HCRTR2: variants seen among roughly 807,000 people sequenced by gnomAD.
HCRTR2 encodes the protein orexin receptor type 2.
HCRTR2 carries 22 observed loss-of-function variants against 49.0 expected under a neutral mutation model. The observed-to-expected ratio is 0.45, with a 90% confidence interval of 0.32 to 0.64. The LOEUF is 0.64. Ranked by LOEUF, HCRTR2 falls within the 30% of genes least tolerant of loss-of-function variation. The pLI is 0.04. For synonymous variants in HCRTR2, 236 were observed against 205.3 expected (o/e 1.15, Z -1.28); for missense variants, 491 against 559.4 (o/e 0.88, Z 1.23).
chr6:55,146,597 C>CTTT (rs34067488), intron 1 of HCRTR2, among the ~76,000 whole-genome samples: 2 of 144,626 alleles, frequency 1.4e-5, no homozygotes, highest in Non-Finnish European at 1.5e-5. Flanking sequence ...AAAAAACAAG[C>CTTT]TTTTTTTTTC....
intron 1 of HCRTR2, among the ~76,000 whole-genome samples, chr6:55,226,787 C>T (rs1229724950): frequency 4.6e-5 from 6 of 129,784 alleles, no homozygotes; most frequent in Admixed American, 4.6e-4. Context: ...GGTGAGATCT[C>T]GGCTCACTGA....
chr6:55,180,165 A>G (rs1581811593), intron 1 of HCRTR2, among the ~76,000 whole-genome samples: 2 of 152,322 alleles, frequency 1.3e-5, no homozygotes, highest in South Asian at 4.1e-4. Flanking sequence ...TTATAATGAG[A>G]AGATTAATAG....
In HCRTR2 at chr6:55,211,787, C is replaced by T. The variant is rs183004147; in HGVS notation, c.224-36852C>T. ...ATTCTCCTTCAGGCCTCAATTTAAA[C>T]ATCACTTCCTCTGGGAAGCTTTCTA... is the stretch of plus-strand genomic sequence containing the variant. On this transcript the variant is annotated intron_variant, in intron 1 of 6. Transcript: ENST00000370862. 2.3e-3 allele frequency among the ~76,000 whole-genome samples: 357 copies of T among 152,256 alleles called. 2 individuals carry two copies. Among genetic ancestry groups the T allele is most frequent in the African/African-American group, 8.2e-3 (340 of 41,578 alleles).
At chr6:55,164,623 A>G (rs1295761529) in intron 1 of HCRTR2, among the ~76,000 whole-genome samples, 3 of 152,118 alleles carry the variant, frequency 2.0e-5, no homozygotes, top group Non-Finnish European at 4.4e-5. Flanking sequence ...AGGGCCTGTC[A>G]GGCAGTGGGG....
intron 1 of HCRTR2, among the ~76,000 whole-genome samples, chr6:55,152,922 T>C (rs903968194): frequency 2.0e-5 from 3 of 152,048 alleles, no homozygotes; most frequent in Non-Finnish European, 4.4e-5. Flanking sequence ...TTTTTGCTTT[T>C]GTTACTTGTG....
chr6:55,271,721 A>G (rs1766977016), intron 4 of HCRTR2, among the ~76,000 whole-genome samples: 1 of 152,148 alleles, frequency 6.6e-6, no homozygotes, highest in African/African-American at 2.4e-5. Context: ...GACTTGAATA[A>G]ACAATTCTGC....
At chr6:55,200,235 TTGTGTG>T (rs34710192) in intron 1 of HCRTR2, among the ~76,000 whole-genome samples, 9,598 of 135,306 alleles carry the variant, frequency 0.071, 355 homozygotes, top group South Asian at 0.1. Flanking sequence ...GTTTGCTGTC[TTGTGTG>T]TGTGTGTGTG....
intron 4 of HCRTR2, among the ~76,000 whole-genome samples, chr6:55,272,187 A>C (rs570319188): frequency 1.3e-5 from 2 of 152,272 alleles, no homozygotes; most frequent in Admixed American, 1.3e-4. Context: ...TACTAAAAGA[A>C]ATGAAGCACT....
upstream of HCRTR2, among the ~76,000 whole-genome samples, chr6:55,173,514 A>C (rs1764981514): frequency 6.6e-6 from 1 of 152,230 alleles, no homozygotes; most frequent in Non-Finnish European, 1.5e-5. Flanking sequence ...TTATTATTAG[A>C]GACAAAACCA....
chr6:55,280,256 A>C (rs1767162880), intron 5 of HCRTR2, 67 bp from the exon 6 acceptor site: 1 of 1,070,566 alleles, frequency 9.3e-7, no homozygotes, highest in African/African-American at 1.6e-5. Flanking sequence ...ATCCTCTACC[A>C]ATAGCCTTGT....
At position 55,254,784 on chromosome 6, in the gene HCRTR2, G is replaced by A. The variant is rs192948445; in HGVS notation, c.403-352G>A. ...TATGTGTTTTTTTTTTTCTATATGA[G>A]GGTATGATTTCTTCCAATCAATGGA... On this transcript the variant is annotated intron_variant, in intron 2 of 6. Transcript: ENST00000370862. Among the ~76,000 whole-genome samples, 293 of 149,964 alleles carry A rather than the reference G, an allele frequency of 2.0e-3. 1 individual carries two copies. The highest frequency in any genetic ancestry group is 3.6e-3 in the Non-Finnish European group (241 of 67,622).
upstream of HCRTR2, among the ~76,000 whole-genome samples, chr6:55,171,140 C>A (rs1210825767): frequency 6.6e-6 from 1 of 152,004 alleles, no homozygotes; most frequent in Non-Finnish European, 1.5e-5. Context: ...AGTTCTAGAT[C>A]CTTGAGGAAT....
chr6:55,198,754 A>G (rs574983659), intron 1 of HCRTR2, among the ~76,000 whole-genome samples: 17 of 152,340 alleles, frequency 1.1e-4, no homozygotes, highest in Admixed American at 1.0e-3. Flanking sequence ...GCAGGGGAGA[A>G]GTAGGAGAGT....
At chr6:55,156,299 CA>C (rs55871637) in intron 1 of HCRTR2, among the ~76,000 whole-genome samples, 3,373 of 152,024 alleles carry the variant, frequency 0.022, 60 homozygotes, top group Middle Eastern at 0.058. Context: ...TCCTAGCACT[CA>C]CACCAATTCT....
At chr6:55,145,653 G>A (rs142959007) in intron 1 of HCRTR2, among the ~76,000 whole-genome samples, 1 of 151,908 alleles carries the variant, frequency 6.6e-6, no homozygotes, top group African/African-American at 2.4e-5. Context: ...CTGACCTCGT[G>A]ATCTGCCCGC....
rs140534424 is a variant in HCRTR2 at position 55,192,289 on chromosome 6, C to CAG, written c.223+17480_223+17481insGA. Among the ~76,000 whole-genome samples, 795 of 152,224 alleles carry CAG rather than the reference C, an allele frequency of 5.2e-3. 7 individuals carry two copies. The highest frequency in any genetic ancestry group is 0.018 in the African/African-American group (755 of 41,522). On this transcript the variant is annotated intron_variant, in intron 1 of 6. Coordinates refer to ENST00000370862, the MANE Select transcript of HCRTR2 (RefSeq NM_001384272.1). ...TAATTATTGGCTGGACATGGTGGCT[C>CAG]ACATCTGTAATCCCAGTACTTTGGG...
intron 1 of HCRTR2, among the ~76,000 whole-genome samples, chr6:55,141,731 G>C (rs916163574): frequency 7.2e-5 from 11 of 152,020 alleles, no homozygotes; most frequent in Non-Finnish European, 1.3e-4. Context: ...AATACAACTG[G>C]ACAGAATTTA....
In HCRTR2 at chr6:55,271,046, C is replaced by T. The variant is rs372143106; in HGVS notation, c.763-6334C>T. Among the ~76,000 whole-genome samples the T allele has an allele frequency of 2.9e-4, 44 of 152,130 alleles. 1 individual carries two copies. In the South Asian group the frequency reaches 4.4e-3, roughly 15 times the overall value. ...GCTTTGTATTTTGGACACAAATTGA[C>T]AAACTGATCCTAATATTAATGTGGA... On this transcript the variant is annotated intron_variant, in intron 4 of 6. Transcript: ENST00000370862.
At chr6:55,233,494 A>G (rs1324786598) in intron 1 of HCRTR2, among the ~76,000 whole-genome samples, 2 of 152,166 alleles carry the variant, frequency 1.3e-5, no homozygotes, top group Non-Finnish European at 2.9e-5. Context: ...GTTTGAGACC[A>G]GCCTGGACAA....
Sources: gnomAD v4.1 joint callset for allele counts (sites outside exome capture counted in the v4.1 genomes callset) on GRCh38, gnomAD v4.1.1 for gene constraint, MANE v1.5 for transcripts, NCBI Gene and HGNC (gene_info 2026-07-23, HGNC 2026-07-21) for gene names.